The following OVCH1 variants were observed in gnomAD, a reference collection of about 807,000 sequenced individuals.
The protein encoded by OVCH1 is ovochymase-1.
A neutral mutation model predicts 138.4 loss-of-function variants in OVCH1; 139 were observed. That is an observed-to-expected ratio of 1.00 (90% CI 0.87 to 1.16). The LOEUF (loss-of-function observed/expected upper bound fraction) is 1.16. Ranked by LOEUF, OVCH1 falls within the 50% of genes most tolerant of loss-of-function variation. The pLI is 0.00. For synonymous variants in OVCH1, 453 were observed against 467.8 expected (o/e 0.97, Z 0.41); for missense variants, 1,367 against 1,357.9 (o/e 1.01, Z -0.11).
At chr12:29,469,847 T>C (rs1942443173) in intron 16 of OVCH1, among the ~76,000 whole-genome samples, 1 of 152,238 alleles carries the variant, frequency 6.6e-6, no homozygotes, top group Admixed American at 6.5e-5. Context: ...CATTCCAGTC[T>C]GTGACAGAGA....
Position 29,476,315 on chromosome 12 carries a change from C to T in OVCH1, c.1378-16G>A. 1 of 1,585,330 alleles carries T rather than the reference C, an allele frequency of 6.3e-7. No homozygotes were observed. The highest frequency in any genetic ancestry group is 8.7e-7 in the Non-Finnish European group (1 of 1,154,106). On this transcript the variant is annotated splice_polypyrimidine_tract_variant and intron_variant, in intron 12 of 27. Coordinates refer to ENST00000318184, the Ensembl canonical transcript of OVCH1. ...CAAATGTCAACTGTGCAAATGGAAA[C>T]ATAACCAGGGAAATGGTCAAAGAAG...
chr12:29,428,495 G>T (rs1941215765), intron 27 of OVCH1, among the ~76,000 whole-genome samples: 1 of 152,180 alleles, frequency 6.6e-6, no homozygotes, highest in Non-Finnish European at 1.5e-5. Flanking sequence ...TGGTGAAAGG[G>T]TATTGACAGG....
At chr12:29,451,631 T>G in intron 21 of OVCH1, 62 bp from the exon 22 acceptor site, 1 of 1,327,932 alleles carries the variant, frequency 7.5e-7, no homozygotes, top group Non-Finnish European at 1.0e-6. Context: ...AAAACCAGAT[T>G]CTATCACAAG....
downstream of OVCH1, among the ~76,000 whole-genome samples, chr12:29,409,063 C>A (rs1411875454): frequency 6.6e-6 from 1 of 152,124 alleles, no homozygotes; most frequent in African/African-American, 2.4e-5. Flanking sequence ...AGGAATTTAT[C>A]CATTTCTTCT....
chr12:29,474,074 TACACACACACAC>T lies in OVCH1; in HGVS notation c.1600+975_1601-972del, dbSNP rs146655743. On this transcript the variant is annotated intron_variant, in intron 14 of 27. Coordinates refer to ENST00000318184, the Ensembl canonical transcript of OVCH1. ...AATACTTAATAAACACACACACACA[TACACACACACAC>T]ACACACACACACACACACATATATA... Among the ~76,000 whole-genome samples the T allele has an allele frequency of 5.5e-5, 8 of 145,290 alleles. No homozygotes were observed. In the South Asian group the frequency reaches 6.7e-4, roughly 12 times the overall value.
At chr12:29,433,697 G>T in intron 27 of OVCH1, 1 of 1,387,016 alleles carries the variant, frequency 7.2e-7, no homozygotes. Context: ...ATAATTCTCG[G>T]TTTAAATGTG....
chr12:29,491,285 C>T (rs1943266532), intron 4 of OVCH1, 93 bp from the exon 5 acceptor site: 2 of 1,035,740 alleles, frequency 1.9e-6, no homozygotes, highest in Non-Finnish European at 2.9e-6. Context: ...ATGGCTTCTA[C>T]ACTTTCTTCC....
chr12:29,496,327 T>C, intron 2 of OVCH1, 49 bp from the exon 3 acceptor site: 3 of 1,434,126 alleles, frequency 2.1e-6, no homozygotes, highest in East Asian at 2.4e-5. Context: ...TCCCCACATA[T>C]GTATCTCCAT....
chr12:29,424,254 A>G (rs1282809076), downstream of OVCH1, among the ~76,000 whole-genome samples: 1 of 152,240 alleles, frequency 6.6e-6, no homozygotes, highest in African/African-American at 2.4e-5. Context: ...GTGTGTCCTT[A>G]AGGCACAGAT....
intron 8 of OVCH1, 71 bp from the exon 10 acceptor site, chr12:29,479,039 T>A (rs1942837917): frequency 1.9e-6 from 1 of 524,242 alleles, no homozygotes; most frequent in African/African-American, 2.0e-5. Context: ...ATCTAATACC[T>A]GTGCTTTAGC....
At chr12:29,471,779 G>A in intron 16 of OVCH1, 23 bp downstream of exon 16, 1 of 1,589,854 alleles carries the variant, frequency 6.3e-7, no homozygotes, top group East Asian at 2.3e-5. Context: ...TAAATAGGTT[G>A]GTAAAATACC....
At chr12:29,488,874 T>C (rs1464252042) in intron 6 of OVCH1, among the ~76,000 whole-genome samples, 1 of 152,164 alleles carries the variant, frequency 6.6e-6, no homozygotes, top group Non-Finnish European at 1.5e-5. Flanking sequence ...TTTTCCAATT[T>C]AGAAAGCGGC....
chr12:29,446,448 G>A (rs1941618584), intron 22 of OVCH1, among the ~76,000 whole-genome samples: 3 of 152,026 alleles, frequency 2.0e-5, no homozygotes, highest in Admixed American at 6.6e-5. Flanking sequence ...GCATTTTATA[G>A]TAAAGAATGC....
rs1336639863 is a variant in OVCH1 at position 29,461,846 on chromosome 12, C to A, written c.2280+8G>T. ...CCACCTTCCTGTATAAAACCAGAATCCTCTCACCTGGCAGAAATCTTTCTC... is the reference window on the plus strand; with the variant it reads ...CCACCTTCCTGTATAAAACCAGAATACTCTCACCTGGCAGAAATCTTTCTC... On this transcript the variant is annotated splice_region_variant and intron_variant, in intron 19 of 27. Coordinates refer to ENST00000318184, the Ensembl canonical transcript of OVCH1. 1 of 1,613,670 alleles carries A rather than the reference C, an allele frequency of 6.2e-7. No homozygotes were observed. The highest frequency in any genetic ancestry group is 8.5e-7 in the Non-Finnish European group (1 of 1,179,708).
At chr12:29,413,689 C>CACACACA (rs1354131856) in intron 3 of OVCH1, among the ~76,000 whole-genome samples, 1 of 147,022 alleles carries the variant, frequency 6.8e-6, no homozygotes, top group Non-Finnish European at 1.5e-5. Context: ...CACACACACA[C>CACACACA]ATTGGTTTTC....
At chr12:29,438,068 C>T (rs779894336) in intron 26 of OVCH1, among the ~76,000 whole-genome samples, 47 of 152,118 alleles carry the variant, frequency 3.1e-4, no homozygotes, top group Admixed American at 1.2e-3. Context: ...TTTAATTACA[C>T]AGGAACTTAT....
chr12:29,417,886 A>G (rs1941053787), intron 3 of OVCH1, among the ~76,000 whole-genome samples: 1 of 152,170 alleles, frequency 6.6e-6, no homozygotes, highest in African/African-American at 2.4e-5. Context: ...TGACTTGGTT[A>G]TAAAAGAACA....
chr12:29,429,961 A>G (rs1941241293), intron 27 of OVCH1, among the ~76,000 whole-genome samples: 1 of 152,196 alleles, frequency 6.6e-6, no homozygotes, highest in Admixed American at 6.5e-5. Flanking sequence ...CCCCCACTTC[A>G]AAAGCAAACA....
chr12:29,489,802 C>T, intron 5 of OVCH1, 31 bp from the exon 6 acceptor site: 1 of 1,591,184 alleles, frequency 6.3e-7, no homozygotes, highest in Non-Finnish European at 8.6e-7. Context: ...AGTTAGCACA[C>T]AATATCCTCA....
Sources: gnomAD v4.1 joint callset for allele counts (sites outside exome capture counted in the v4.1 genomes callset) on GRCh38, gnomAD v4.1.1 for gene constraint, MANE v1.5 for transcripts, NCBI Gene and HGNC (gene_info 2026-07-23, HGNC 2026-07-21) for gene names.